Variants in PBX1 observed in about 807,000 individuals in gnomAD.
PBX1 encodes pre-B-cell leukemia transcription factor 1.
Under a neutral mutation model 53.4 loss-of-function variants are expected in PBX1, and 6 were observed. That is an observed-to-expected ratio of 0.11 (90% CI 0.06 to 0.22). The LOEUF is 0.22. PBX1 is among the 10% of genes least tolerant of loss of function. PBX1 has a pLI of 1.00. For missense variants in PBX1, 251 were observed against 551.4 expected (o/e 0.46, Z 5.46); for synonymous variants, 204 against 212.3 (o/e 0.96, Z 0.34).
intron 2 of PBX1, among the ~76,000 whole-genome samples, chr1:164,655,895 G>C (rs1660137000): frequency 6.6e-6 from 1 of 152,100 alleles, no homozygotes; most frequent in South Asian, 2.1e-4. Context: ...TGACAAATGA[G>C]GCTATGGCTG....
At chr1:164,604,731 T>G (rs1301920109) in intron 2 of PBX1, among the ~76,000 whole-genome samples, 1 of 152,194 alleles carries the variant, frequency 6.6e-6, no homozygotes, top group Non-Finnish European at 1.5e-5. Context: ...GGAAGAATTC[T>G]TAGTAATAAG....
intron 2 of PBX1, chr1:164,626,092 C>T (rs1014276380): frequency 3.6e-5 from 37 of 1,029,702 alleles, no homozygotes; most frequent in Non-Finnish European, 4.0e-5. Flanking sequence ...GGGGAGAAGG[C>T]AAAGGTGAGT....
chr1:164,661,235 A>G (rs1660468623), intron 2 of PBX1, among the ~76,000 whole-genome samples: 1 of 152,184 alleles, frequency 6.6e-6, no homozygotes, highest in Admixed American at 6.5e-5. Context: ...TGGGGAAGGA[A>G]TACTGATGTT....
At chr1:164,711,457 G>T (rs1663773707) in intron 2 of PBX1, among the ~76,000 whole-genome samples, 1 of 152,148 alleles carries the variant, frequency 6.6e-6, no homozygotes, top group Admixed American at 6.5e-5. Flanking sequence ...TAGAGACATG[G>T]TTTCACCATG....
chr1:164,728,402 G>A (rs989845520), intron 2 of PBX1, among the ~76,000 whole-genome samples: 2 of 151,928 alleles, frequency 1.3e-5, no homozygotes, highest in African/African-American at 2.4e-5. Flanking sequence ...TGAGCAAGAA[G>A]CCCACAAGTG....
At chr1:164,783,602 A>G (rs1668031653) in intron 2 of PBX1, among the ~76,000 whole-genome samples, 1 of 152,194 alleles carries the variant, frequency 6.6e-6, no homozygotes, top group Non-Finnish European at 1.5e-5. Context: ...ACCAAGCACT[A>G]CTGTGTGCTT....
At chr1:164,767,464 G>T (rs1175550063) in intron 2 of PBX1, among the ~76,000 whole-genome samples, 1 of 152,150 alleles carries the variant, frequency 6.6e-6, no homozygotes, top group African/African-American at 2.4e-5. Flanking sequence ...GGGGCCCGGA[G>T]AGGAGGAGTG....
At chr1:164,602,683 C>T (rs1234755549) in intron 2 of PBX1, among the ~76,000 whole-genome samples, 1 of 151,178 alleles carries the variant, frequency 6.6e-6, no homozygotes, top group African/African-American at 2.4e-5. Flanking sequence ...CCTTCCCACC[C>T]CAGCCCTCAA....
intron 2 of PBX1, among the ~76,000 whole-genome samples, chr1:164,687,962 A>C (rs1188507017): frequency 2.0e-5 from 3 of 152,140 alleles, no homozygotes; most frequent in African/African-American, 7.2e-5. Flanking sequence ...GTGGAGACCT[A>C]TTTGAGACTC....
chr1:164,804,362 T>C (rs908462956), intron 4 of PBX1, among the ~76,000 whole-genome samples: 1 of 152,218 alleles, frequency 6.6e-6, no homozygotes, highest in African/African-American at 2.4e-5. Flanking sequence ...ACAATCTTTT[T>C]CCAGGAGGGC....
chr1:164,840,514 A>G (rs1482484067), intron 8 of PBX1, among the ~76,000 whole-genome samples: 1 of 152,058 alleles, frequency 6.6e-6, no homozygotes, highest in Non-Finnish European at 1.5e-5. Context: ...CATTTTTGCA[A>G]TTCCCACTGT....
At chr1:164,781,565 C>A (rs2102275737) in intron 2 of PBX1, among the ~76,000 whole-genome samples, 1 of 152,270 alleles carries the variant, frequency 6.6e-6, no homozygotes, top group East Asian at 1.9e-4. Flanking sequence ...GTCTTCTCTT[C>A]TACTCCCTCA....
At chr1:164,835,666 G>T (rs1671002957) in intron 8 of PBX1, among the ~76,000 whole-genome samples, 1 of 151,990 alleles carries the variant, frequency 6.6e-6, no homozygotes, top group African/African-American at 2.4e-5. Flanking sequence ...ATACAATAAG[G>T]ATATTAATCC....
chr1:164,649,339 T>C (rs936991205), intron 2 of PBX1, among the ~76,000 whole-genome samples: 3 of 152,176 alleles, frequency 2.0e-5, no homozygotes, highest in Non-Finnish European at 4.4e-5. Context: ...TAGTATGAGG[T>C]GCTGACTCAT....
At chr1:164,738,227 T>C (rs543739409) in intron 2 of PBX1, among the ~76,000 whole-genome samples, 1 of 152,314 alleles carries the variant, frequency 6.6e-6, no homozygotes, top group Non-Finnish European at 1.5e-5. Flanking sequence ...TGTGCAAATC[T>C]GTGTGTGGCA....
Position 164,586,496 on chromosome 1 carries a change from G to T in PBX1, c.265+23185G>T, listed in dbSNP as rs532151710. 2.0e-5 allele frequency among the ~76,000 whole-genome samples: 3 copies of T among 152,230 alleles called. No individual in the cohort carries two copies. In the South Asian group the frequency reaches 6.2e-4, roughly 32 times the overall value. ...TATGTTGAGTTGATAGGTAATGAGG[G>T]GGCACCTCACTCAGAACAATTTCTT... On this transcript the variant is annotated intron_variant, in intron 2 of 8. Transcript: ENST00000420696.
chr1:164,796,915 CG>C (rs1668814724), intron 3 of PBX1, among the ~76,000 whole-genome samples: 1 of 152,198 alleles, frequency 6.6e-6, no homozygotes, highest in South Asian at 2.1e-4. Context: ...CCTGTCCTAT[CG>C]GAAGTAGCCC....
intron 2 of PBX1, among the ~76,000 whole-genome samples, chr1:164,627,060 G>T (rs1658094694): frequency 6.6e-6 from 1 of 152,094 alleles, no homozygotes; most frequent in Non-Finnish European, 1.5e-5. Context: ...CCTTTTGGCT[G>T]GTGGCTGGAA....
chr1:164,719,908 A>AC (rs1664309931), intron 2 of PBX1, among the ~76,000 whole-genome samples: 3 of 152,104 alleles, frequency 2.0e-5, no homozygotes, highest in African/African-American at 7.2e-5. Flanking sequence ...TTCCCATTTC[A>AC]CCCTGCCTGC....
Sources: allele counts gnomAD v4.1 joint callset (sites outside exome capture counted in the v4.1 genomes callset), GRCh38; gene constraint gnomAD v4.1.1; transcripts MANE v1.5; gene names NCBI Gene and HGNC (gene_info 2026-07-23, HGNC 2026-07-21).